GPR137B: variants seen among roughly 807,000 people sequenced by gnomAD.
The protein encoded by GPR137B is integral membrane protein GPR137B.
In GPR137B, 42 loss-of-function variants were observed where a neutral mutation model predicts 42.5. That is an observed-to-expected ratio of 0.99 (90% CI 0.77 to 1.28). The LOEUF (loss-of-function observed/expected upper bound fraction) is 1.28. GPR137B is among the 50% of genes most tolerant of loss of function. GPR137B has a pLI of 0.00. For missense variants in GPR137B, 487 were observed against 493.9 expected (o/e 0.99, Z 0.13); for synonymous variants, 218 against 209.7 (o/e 1.04, Z -0.34).
At chr1:236,164,707 C>T (rs796235469) in intron 1 of GPR137B, among the ~76,000 whole-genome samples, 26 of 151,996 alleles carry the variant, frequency 1.7e-4, no homozygotes, top group African/African-American at 6.0e-4. Context: ...ATTATATGTG[C>T]GTTTGTTGAT....
At chr1:236,162,954 C>G (rs1002537690) in intron 1 of GPR137B, among the ~76,000 whole-genome samples, 1 of 152,146 alleles carries the variant, frequency 6.6e-6, no homozygotes. Context: ...GTCCTCCAGA[C>G]CTCAGAATGG....
intron 5 of GPR137B, among the ~76,000 whole-genome samples, chr1:236,197,478 G>T (rs1475598431): frequency 1.3e-5 from 2 of 152,122 alleles, no homozygotes; most frequent in Admixed American, 1.3e-4. Flanking sequence ...ATGTCTAGAA[G>T]AGTTTTTCTG....
intron 2 of GPR137B, 62 bp from the exon 3 acceptor site, chr1:236,178,352 C>G: frequency 1.0e-6 from 1 of 969,216 alleles, no homozygotes; most frequent in South Asian, 1.3e-5. Context: ...CAAAACACAT[C>G]TCAGTGTCCT....
Position 236,171,589 on chromosome 1 carries a change from G to A in GPR137B, c.464+2834G>A, listed in dbSNP as rs1009471412. On this transcript the variant is annotated intron_variant, in intron 2 of 6. Transcript: ENST00000366592. This position sits in a 1 kb window ranked among gnomAD's most constrained non-coding sequence, Gnocchi z 4.4. ...AGCACGGGGACTGGGGTCTTCGGGT[G>A]AGAAGATATGTGCGTGGGGCAGTCC... 6.6e-6 allele frequency among the ~76,000 whole-genome samples: 1 copy of A among 152,230 alleles called. No homozygotes were observed. The highest frequency in any genetic ancestry group is 1.5e-5 in the Non-Finnish European group (1 of 68,042).
intron 2 of GPR137B, among the ~76,000 whole-genome samples, chr1:236,172,883 G>T (rs1355131180): frequency 6.6e-6 from 1 of 151,228 alleles, no homozygotes; most frequent in African/African-American, 2.4e-5. Context: ...TTAGAGACAG[G>T]TTCTTGCTAT....
At chr1:236,164,045 A>C (rs963978880) in intron 1 of GPR137B, among the ~76,000 whole-genome samples, 2 of 148,870 alleles carry the variant, frequency 1.3e-5, no homozygotes, top group Non-Finnish European at 3.0e-5. Context: ...CACAGCCCCC[A>C]TGCCTCTCCA....
intron 1 of GPR137B, among the ~76,000 whole-genome samples, chr1:236,162,043 A>G (rs1662218639): frequency 2.0e-5 from 3 of 152,318 alleles, no homozygotes; most frequent in African/African-American, 7.2e-5. Flanking sequence ...AATGTGGGAA[A>G]GTTTGGAACT....
chr1:236,185,942 T>A (rs1663004884), intron 5 of GPR137B, among the ~76,000 whole-genome samples: 1 of 151,734 alleles, frequency 6.6e-6, no homozygotes, highest in African/African-American at 2.4e-5. Flanking sequence ...GTCCCTGCCC[T>A]ACCCCCAGGC....
chr1:236,190,961 A>G (rs554231949), intron 5 of GPR137B, among the ~76,000 whole-genome samples: 7 of 152,156 alleles, frequency 4.6e-5, no homozygotes, highest in Non-Finnish European at 1.0e-4. Context: ...CATTCTCCCC[A>G]TCACTTTCAG....
chr1:236,183,365 C>G (rs1174495109), intron 4 of GPR137B, among the ~76,000 whole-genome samples: 2 of 152,188 alleles, frequency 1.3e-5, no homozygotes, highest in South Asian at 2.1e-4. Flanking sequence ...AACCTTCTCA[C>G]TATTCAATTG....
intron 3 of GPR137B, among the ~76,000 whole-genome samples, 153 bp downstream of exon 3, chr1:236,178,789 T>TTTTTTTTTG (rs1662774885): frequency 1.6e-5 from 1 of 62,608 alleles, no homozygotes; most frequent in African/African-American, 6.6e-5. Flanking sequence ...CTCGAGGTTT[T>TTTTTTTTTG]TTTTTTTTTT....
intron 1 of GPR137B, among the ~76,000 whole-genome samples, chr1:236,151,485 G>A (rs940179308): frequency 1.1e-4 from 16 of 142,706 alleles, no homozygotes; most frequent in African/African-American, 3.8e-4. Context: ...GTGCAGTGGC[G>A]CAATCTCGGC....
chr1:236,148,827 G>A (rs1261514920), intron 1 of GPR137B, among the ~76,000 whole-genome samples: 1 of 152,138 alleles, frequency 6.6e-6, no homozygotes, highest in African/African-American at 2.4e-5. Flanking sequence ...TGAATGAGGA[G>A]GCAGCCCTGG....
rs759943159 is a variant in GPR137B at position 236,179,883 on chromosome 1, C to G, written c.692C>G (p.Ser231Cys). 1.3e-6 allele frequency: 2 copies of G among 1,577,700 alleles called. No homozygotes were observed. The highest frequency in any genetic ancestry group is 1.8e-5 in the Admixed American group (1 of 56,074). The stretch of plus-strand genomic sequence containing the variant: ...CTTCTGCTCCCTCTTTTCCAGGGCT[C>G]CTCCGTGTGTCAAGTGACTGCCATC... ...LANIYLESKG[S>C]SVCQVTAIGV... Residue 231 changes from serine (S) to cysteine (C), a missense_variant, in exon 4 of 7, where the codon TCC becomes TGC. Ser to Cys is a moderately radical substitution (Grantham distance 112). Coordinates refer to ENST00000366592, the MANE Select transcript of GPR137B (RefSeq NM_003272.4).
rs78315675 is a variant in GPR137B, at chr1:236,157,533, A to G, written c.415-11173A>G. Among the ~76,000 whole-genome samples, 901 of 152,136 alleles carry G rather than the reference A, an allele frequency of 5.9e-3. 11 individuals carry two copies. The highest frequency in any genetic ancestry group is 0.02 in the African/African-American group (833 of 41,500). On this transcript the variant is annotated intron_variant, in intron 1 of 6. Transcript: ENST00000366592. ...CACTGTGCCCGGCCCGATTCCACAC[A>G]CTTAGCCATCCTTCTGTGTCCCTCT...
At chr1:236,169,690 C>T (rs1662475540) in intron 2 of GPR137B, among the ~76,000 whole-genome samples, 1 of 152,058 alleles carries the variant, frequency 6.6e-6, no homozygotes, top group South Asian at 2.1e-4. Context: ...TCGTAGCTCT[C>T]CCCAGAGGGG....
intron 2 of GPR137B, among the ~76,000 whole-genome samples, chr1:236,170,200 G>A (rs1237470558): frequency 2.0e-5 from 3 of 152,218 alleles, no homozygotes; most frequent in South Asian, 4.1e-4. Flanking sequence ...TTTCTGAAAA[G>A]GTGACTCTGG....
rs1173726472 is a variant in GPR137B, at chr1:236,155,979, A to ACG, written c.415-12717_415-12716dup. 1.3e-5 allele frequency among the ~76,000 whole-genome samples: 2 copies of ACG among 152,146 alleles called. No individual in the cohort carries two copies. Among genetic ancestry groups the ACG allele is most frequent in the East Asian group, 1.9e-4 (1 of 5,188 alleles). On this transcript the variant is annotated intron_variant, in intron 1 of 6. Coordinates refer to ENST00000366592, the MANE Select transcript of GPR137B (RefSeq NM_003272.4). This position sits in a 1 kb window ranked among gnomAD's most constrained non-coding sequence, Gnocchi z 4.6. ...CACAAACGCACACACATGCACACACACGCGCGCGCGCAAACACACATGCAT... is the reference window on the plus strand; with the variant it reads ...CACAAACGCACACACATGCACACACACGCGCGCGCGCGCAAACACACATGCAT...
intron 4 of GPR137B, among the ~76,000 whole-genome samples, chr1:236,180,770 C>A (rs1662849284): frequency 6.6e-6 from 1 of 151,926 alleles, no homozygotes; most frequent in South Asian, 2.1e-4. Context: ...GCACCCACTA[C>A]CATACCTGGC....
Sources: allele counts gnomAD v4.1 joint callset (sites outside exome capture counted in the v4.1 genomes callset), GRCh38; gene constraint gnomAD v4.1.1; non-coding constraint Gnocchi (gnomAD v3.1); transcripts MANE v1.5; gene names NCBI Gene and HGNC (gene_info 2026-07-23, HGNC 2026-07-21).